The following KLK10 variants were observed in gnomAD, a reference collection of about 807,000 sequenced individuals.
The protein encoded by KLK10 is kallikrein-10.
A neutral mutation model predicts 25.7 loss-of-function variants in KLK10; 27 were observed. That is an observed-to-expected ratio of 1.05 (90% CI 0.77 to 1.45). KLK10 has a LOEUF of 1.45. Among genes scored for constraint, KLK10 ranks in the 40% most tolerant of loss-of-function variants. KLK10 has a pLI of 0.00. For synonymous variants in KLK10, 173 were observed against 160.1 expected (o/e 1.08, Z -0.61); for missense variants, 386 against 370.0 (o/e 1.04, Z -0.35).
intron 3 of KLK10, among the ~76,000 whole-genome samples, chr19:51,016,439 G>C (rs1220838871): frequency 6.6e-6 from 1 of 151,812 alleles, no homozygotes; most frequent in Non-Finnish European, 1.5e-5. Context: ...TGTCACCCAG[G>C]CTAGAATGCA....
In KLK10 at chr19:51,013,931, G is replaced by T. The variant is rs11668629; in HGVS notation, c.*869C>A. ...CAAGCTGGGCAGTTGAGGTGGCAAG[G>T]GTTTCCCAATCTTCACTACCCCCTC... On this transcript the variant is annotated 3_prime_UTR_variant, in exon 6 of 6. Transcript: ENST00000358789. The T allele has an allele frequency of 0.23, 35,610 of 153,246 alleles. 4,161 individuals carry two copies. Among genetic ancestry groups the T allele is most frequent in the East Asian group, 0.27 (1,405 of 5,176 alleles). The allele number at this position is 153,246 out of a possible 1,614,324, so 9.5% of individuals were successfully genotyped here.
Position 51,013,353 on chromosome 19 carries a change from A to G in KLK10, c.*1447T>C, listed in dbSNP as rs1189493433. The G allele has an allele frequency of 1.3e-5, 2 of 152,220 alleles. No individual in the cohort carries two copies. The highest frequency in any genetic ancestry group is 2.9e-5 in the Non-Finnish European group (2 of 68,042). 9.4% of individuals were successfully genotyped at this position (152,220 alleles called of 1,614,324 possible). ...ACAAAAACCCCGTGCTTAATGGGAAATTTCTGTTGTGCCTATATTCAGCTA... is the reference window on the plus strand; with the variant it reads ...ACAAAAACCCCGTGCTTAATGGGAAGTTTCTGTTGTGCCTATATTCAGCTA... On this transcript the variant is annotated 3_prime_UTR_variant, in exon 6 of 6. Transcript: ENST00000358789.
rs765186589 is a variant in KLK10 at position 51,017,292 on chromosome 19, T to A, written c.89-2A>T. The A allele has an allele frequency of 6.3e-7, 1 of 1,599,994 alleles. No individual in the cohort carries two copies. Among genetic ancestry groups the A allele is most frequent in the Non-Finnish European group, 8.5e-7 (1 of 1,174,270 alleles). ...GGGGGAGCAGCGCCGCCTCTGCGGCTGGAGAAAGAAAGGGGACGGAATCAA... is the reference window on the plus strand; with the variant it reads ...GGGGGAGCAGCGCCGCCTCTGCGGCAGGAGAAAGAAAGGGGACGGAATCAA... On this transcript the variant is annotated splice_acceptor_variant, in intron 2 of 5. Coordinates refer to ENST00000358789, the MANE Select transcript of KLK10 (RefSeq NM_145888.3). LOFTEE classifies it high-confidence loss of function.
rs1191537198 is a variant in KLK10, at chr19:51,018,988, CTCCCGCCCGTGCCTCCCACCGGCGCCTCT to C, written c.88+26_88+54del. The stretch of plus-strand genomic sequence containing the variant: ...GGCTTGGTGACGGGAACACATTCTC[CTCCCGCCCGTGCCTCCCACCGGCGCCTCT>C]CCCCGCCCCCTGCCCCCGACCTTAC... On this transcript the variant is annotated intron_variant, in intron 2 of 5. Coordinates refer to ENST00000358789, the MANE Select transcript of KLK10 (RefSeq NM_145888.3). The C allele has an allele frequency of 4.7e-6, 6 of 1,288,630 alleles. No individual in the cohort carries two copies. The Admixed American group carries it at 9.7e-5, about 21-fold the overall frequency. The allele number at this position is 1,288,630 out of a possible 1,614,324, so 79.8% of individuals were successfully genotyped here. A position where few individuals can be genotyped will look rare whatever the true frequency, so the allele number is the denominator to read the frequency against.
rs373725405 is a variant in KLK10 at position 51,019,014 on chromosome 19, C to G, written c.88+29G>C. On this transcript the variant is annotated intron_variant, in intron 2 of 5. Coordinates refer to ENST00000358789, the MANE Select transcript of KLK10 (RefSeq NM_145888.3). This position sits in a 1 kb window ranked among gnomAD's most constrained non-coding sequence, Gnocchi z 4.2. ...TCCCGCCCGTGCCTCCCACCGGCGCCTCTCCCCGCCCCCTGCCCCCGACCT... is the reference window on the plus strand; with the variant it reads ...TCCCGCCCGTGCCTCCCACCGGCGCGTCTCCCCGCCCCCTGCCCCCGACCT... 3.0e-5 allele frequency: 45 copies of G among 1,523,154 alleles called. No homozygotes were observed. The highest frequency in any genetic ancestry group is 3.9e-5 in the Non-Finnish European group (44 of 1,124,240). 94.4% of individuals were successfully genotyped at this position (1,523,154 alleles called of 1,614,324 possible). A position where few individuals can be genotyped will look rare whatever the true frequency, so the allele number is the denominator to read the frequency against.
Position 51,014,487 on chromosome 19 carries a change from A to G in KLK10, c.*313T>C. On this transcript the variant is annotated 3_prime_UTR_variant, in exon 6 of 6. Transcript: ENST00000358789. Reference sequence around the variant, plus strand: ...AAAGTCACACAGCAGGGAGTGGCAGAGGAAGTCAGGTTGGGTGACCCCAGT... The same window carrying G: ...AAAGTCACACAGCAGGGAGTGGCAGGGGAAGTCAGGTTGGGTGACCCCAGT... The G allele has an allele frequency of 4.2e-6, 1 of 238,672 alleles. No homozygotes were observed. The highest frequency in any genetic ancestry group is 8.2e-6 in the Non-Finnish European group (1 of 121,760). 14.8% of individuals were successfully genotyped at this position (238,672 alleles called of 1,614,324 possible).
At position 51,015,891 on chromosome 19, in the gene KLK10, C is replaced by T. The variant is rs368005348; in HGVS notation, c.535G>A (p.Ala179Thr). 5.5e-5 allele frequency: 86 copies of T among 1,551,712 alleles called. No homozygotes were observed. The South Asian group carries it at 6.5e-4, about 12-fold the overall frequency. ...CQVAGWGTTA[A>T]RRVKYNKGLT... Reference sequence around the variant, plus strand: ...GAGCCCCAGCTCTTGCCTCTCCGGGCGGCCGTGGTGCCCCAGCCAGCAACC... The same window carrying T: ...GAGCCCCAGCTCTTGCCTCTCCGGGTGGCCGTGGTGCCCCAGCCAGCAACC... The change falls in exon 4 of 6, where the codon GCC becomes ACC. Residue 179 changes from alanine to threonine, a missense_variant. Ala to Thr is a moderately conservative substitution (Grantham distance 58). Transcript: ENST00000358789.
At chr19:51,018,018 A>AAAAAAAAG (rs2091353975) in intron 2 of KLK10, among the ~76,000 whole-genome samples, 1 of 146,064 alleles carries the variant, frequency 6.8e-6, no homozygotes, top group African/African-American at 2.5e-5. Flanking sequence ...AAAAAAAAAA[A>AAAAAAAAG]AAAAAAAGCC....
At position 51,013,772 on chromosome 19, in the gene KLK10, C is replaced by T. The variant is rs1363202150; in HGVS notation, c.*1028G>A. 1 of 153,740 alleles carries T rather than the reference C, an allele frequency of 6.5e-6. No individual in the cohort carries two copies. Among genetic ancestry groups the T allele is most frequent in the African/African-American group, 2.4e-5 (1 of 41,432 alleles). The allele number at this position is 153,740 out of a possible 1,614,324, so 9.5% of individuals were successfully genotyped here. A position where few individuals can be genotyped will look rare whatever the true frequency, so the allele number is the denominator to read the frequency against. On this transcript the variant is annotated 3_prime_UTR_variant, in exon 6 of 6. Transcript: ENST00000358789. The stretch of plus-strand genomic sequence containing the variant: ...TTACCTGGATTCTGTGTATTAACTC[C>T]CCTTCCCTCCCCCAATTTCAGGGAG...
chr19:51,015,387 A>C, intron 5 of KLK10, 30 bp downstream of exon 5: 1 of 1,602,640 alleles, frequency 6.2e-7, no homozygotes, highest in Non-Finnish European at 8.5e-7. Context: ...CCCTCCCAGG[A>C]GTCAGAGACT....
rs150559614 is a variant in KLK10 at position 51,015,971 on chromosome 19, C to T, written c.455G>A (p.Arg152His). 244 of 1,580,960 alleles carry T rather than the reference C, an allele frequency of 1.5e-4. 1 individual carries two copies. The African/African-American group carries it at 1.8e-3, about 12-fold the overall frequency. ...KLARPVVLGP[R>H]VRALQLPYRC... ...GTAGGGAAGCTGCAGGGCCCGGACG[C>T]GGGGCCCCAGCACTACGGGCCTGGC... Residue 152 changes from arginine to histidine, a missense_variant, in exon 4 of 6, where the codon CGC becomes CAC. Coordinates refer to ENST00000358789, the MANE Select transcript of KLK10 (RefSeq NM_145888.3).
chr19:51,017,937 G>A (rs1439277630), intron 2 of KLK10, among the ~76,000 whole-genome samples: 1 of 141,404 alleles, frequency 7.1e-6, no homozygotes. Context: ...GGAGGTGGAG[G>A]TTGCAATGAG....
rs1395204505 is a variant in KLK10 at position 51,015,914 on chromosome 19, A to C, written c.512T>G (p.Val171Gly). Residue 171 changes from valine to glycine, a missense_variant, in exon 4 of 6, where the codon GTT becomes GGT. Val to Gly is a moderately radical substitution (Grantham distance 109). Transcript: ENST00000358789. ...GGCGGCCGTGGTGCCCCAGCCAGCA[A>C]CCTGGCACTGGTCTCCGGGCTGAGC... is the stretch of plus-strand genomic sequence containing the variant. ...RCAQPGDQCQ[V>G]AGWGTTAARR... 8 of 1,579,504 alleles carry C rather than the reference A, an allele frequency of 5.1e-6. No individual in the cohort carries two copies. Among genetic ancestry groups the C allele is most frequent in the Non-Finnish European group, 3.4e-6 (4 of 1,165,308 alleles).
upstream of KLK10, chr19:51,020,025 T>A (rs1215299025): frequency 6.6e-6 from 1 of 151,796 alleles, no homozygotes; most frequent in East Asian, 1.9e-4. Context: ...GGTGGCAGGA[T>A]GAGAGGCCAC....
intron 4 of KLK10, 163 bp from the exon 5 acceptor site, chr19:51,015,713 C>T: frequency 7.6e-6 from 8 of 1,059,200 alleles, no homozygotes; most frequent in Non-Finnish European, 1.1e-5. Flanking sequence ...GGAGTCCAGG[C>T]CCCCAGCCCC....
chr19:51,014,892 C>T lies in KLK10; in HGVS notation c.739G>A (p.Val247Ile). 6.2e-7 allele frequency: 1 copy of T among 1,613,972 alleles called. No individual in the cohort carries two copies. Among genetic ancestry groups the T allele is most frequent in the Non-Finnish European group, 8.5e-7 (1 of 1,179,868 alleles). The change falls in exon 6 of 6, where the codon GTT becomes ATT. Residue 247 changes from valine to isoleucine, a missense_variant. By Grantham distance (29) the Val-to-Ile change is conservative (BLOSUM62 3). Coordinates refer to ENST00000358789, the MANE Select transcript of KLK10 (RefSeq NM_145888.3). ...TGCTGGGCAGAGCCACAGGGGTAAACACCCCACGAGAGGATGCCTTGGAGG... is the reference window on the plus strand; with the variant it reads ...TGCTGGGCAGAGCCACAGGGGTAAATACCCCACGAGAGGATGCCTTGGAGG... Reference protein sequence around the residue: ...ETLQGILSWGVYPCGSAQHPA... With the variant: ...ETLQGILSWGIYPCGSAQHPA...
chr19:51,016,962 GC>G, intron 3 of KLK10, 147 bp downstream of exon 3: 1 of 809,396 alleles, frequency 1.2e-6, no homozygotes, highest in Non-Finnish European at 1.9e-6. Flanking sequence ...CGGCCACAGC[GC>G]AAGCCCGGTC....
Position 51,019,046 on chromosome 19 carries a change from A to G in KLK10, c.85T>C (p.Trp29Arg), listed in dbSNP as rs781439240. ...KLLPLLMAQL[W>R]AAEAALLPQN... Reference sequence around the variant, plus strand: ...CGCCCCCTGCCCCCGACCTTACCCCAGAGTTGCGCCATCAGCAGCGGCAGC... The same window carrying G: ...CGCCCCCTGCCCCCGACCTTACCCCGGAGTTGCGCCATCAGCAGCGGCAGC... Residue 29 changes from tryptophan to arginine, a missense_variant, in exon 2 of 6, where the codon TGG becomes CGG. Physicochemically the swap from Trp to Arg is moderately radical, Grantham distance 101 (BLOSUM62 -3). Transcript: ENST00000358789. This position sits in a 1 kb window ranked among gnomAD's most constrained non-coding sequence, Gnocchi z 4.2. 2 of 1,590,658 alleles carry G rather than the reference A, an allele frequency of 1.3e-6. No individual in the cohort carries two copies. Among genetic ancestry groups the G allele is most frequent in the South Asian group, 1.1e-5 (1 of 90,370 alleles).
chr19:51,016,591 T>A (rs940003809), intron 3 of KLK10, among the ~76,000 whole-genome samples: 5 of 150,718 alleles, frequency 3.3e-5, no homozygotes, highest in African/African-American at 1.2e-4. Context: ...TTTTAAAATT[T>A]TTTATTTTTT....
Sources: gnomAD v4.1 joint callset for allele counts (sites outside exome capture counted in the v4.1 genomes callset) on GRCh38, gnomAD v4.1.1 for gene constraint, Gnocchi (gnomAD v3.1) non-coding constraint, MANE v1.5 for transcripts, NCBI Gene and HGNC (gene_info 2026-07-23, HGNC 2026-07-21) for gene names.